TSHZ1: variants seen among roughly 807,000 people sequenced by gnomAD.
The protein encoded by TSHZ1 is teashirt zinc finger homeobox 1, also known as teashirt homolog 1.
A neutral mutation model predicts 67.1 loss-of-function variants in TSHZ1; 12 were observed. The observed-to-expected ratio is 0.18, with a 90% CI of 0.11 to 0.29. TSHZ1 has a LOEUF of 0.29. Ranked by LOEUF, TSHZ1 falls within the 10% of genes least tolerant of loss-of-function variation. The pLI is 1.00. For synonymous variants in TSHZ1, 632 were observed against 622.4 expected (o/e 1.02, Z -0.23); for missense variants, 1,305 against 1,413.9 (o/e 0.92, Z 1.23).
At chr18:75,221,710 C>A (rs186163831) in intron 1 of TSHZ1, among the ~76,000 whole-genome samples, 1 of 152,346 alleles carries the variant, frequency 6.6e-6, no homozygotes, top group African/African-American at 2.4e-5. Flanking sequence ...TCTATAAGAG[C>A]CTGCCCTGCT....
chr18:75,252,694 C>G (rs2023318927), intron 1 of TSHZ1, among the ~76,000 whole-genome samples: 1 of 152,018 alleles, frequency 6.6e-6, no homozygotes, highest in Non-Finnish European at 1.5e-5. Flanking sequence ...AATTGGAATT[C>G]TAAATGCTAA....
chr18:75,229,558 G>C (rs2022970510), intron 1 of TSHZ1, among the ~76,000 whole-genome samples: 1 of 152,204 alleles, frequency 6.6e-6, no homozygotes, highest in South Asian at 2.1e-4. Context: ...ACGGTTCCTG[G>C]CTCATAGTCA....
At chr18:75,215,557 C>A (rs1417542407) in intron 1 of TSHZ1, among the ~76,000 whole-genome samples, 1 of 152,202 alleles carries the variant, frequency 6.6e-6, no homozygotes, top group African/African-American at 2.4e-5. Context: ...TTGTAGCTCT[C>A]AGTTGAACAG....
chr18:75,237,379 G>A (rs934561292), intron 1 of TSHZ1, among the ~76,000 whole-genome samples: 10 of 152,054 alleles, frequency 6.6e-5, no homozygotes, highest in African/African-American at 2.2e-4. Flanking sequence ...AAAATTAGCC[G>A]GATGTGGTGG....
In TSHZ1 at chr18:75,249,295, G is replaced by A. The variant is rs545508749; in HGVS notation, c.41-36153G>A. ...CCCTGGGTGCCTCGCCTGCCCCCAC[G>A]GGGTCCTGGGGAGAGGATCATGCCC... is the stretch of plus-strand genomic sequence containing the variant. On this transcript the variant is annotated intron_variant, in intron 1 of 1. Coordinates refer to ENST00000580243, the MANE Select transcript of TSHZ1 (RefSeq NM_001308210.2). 3.9e-5 allele frequency among the ~76,000 whole-genome samples: 6 copies of A among 152,274 alleles called. No homozygotes were observed. The East Asian group carries it at 9.7e-4, about 25-fold the overall frequency.
chr18:75,286,349 C>G lies in TSHZ1; in HGVS notation c.942C>G (p.His314Gln), dbSNP rs761972015. The change falls in exon 2 of 2, where the codon CAC (histidine) becomes CAG (glutamine). Residue 314 changes from histidine to glutamine, a missense_variant. By Grantham distance (24) the His-to-Gln change is conservative (BLOSUM62 0). Around this residue, in one of 3 missense-constraint regions of TSHZ1, gnomAD observed 38 missense variants for 76.5 expected, o/e 0.50. Transcript: ENST00000580243. The surrounding 1 kb of genome is among the most constrained non-coding windows in gnomAD (Gnocchi z 5.1). ...QKVLKCMYCG[H>Q]SFESLQDLSV... Reference sequence around the variant, plus strand: ...TGCTGAAGTGCATGTACTGTGGACACTCCTTTGAGTCCTTGCAGGACCTCA... The same window carrying G: ...TGCTGAAGTGCATGTACTGTGGACAGTCCTTTGAGTCCTTGCAGGACCTCA... 6.2e-7 allele frequency: 1 copy of G among 1,614,148 alleles called. No individual in the cohort carries two copies. Among genetic ancestry groups the G allele is most frequent in the Non-Finnish European group, 8.5e-7 (1 of 1,180,028 alleles).
Position 75,281,483 on chromosome 18 carries a change from C to T in TSHZ1, c.41-3965C>T, listed in dbSNP as rs906504059. Among the ~76,000 whole-genome samples the T allele has an allele frequency of 6.6e-6, 1 of 152,166 alleles. No homozygotes were observed. Among genetic ancestry groups the T allele is most frequent in the Admixed American group, 6.5e-5 (1 of 15,290 alleles). On this transcript the variant is annotated intron_variant, in intron 1 of 1. Transcript: ENST00000580243. The surrounding 1 kb of genome is among the most constrained non-coding windows in gnomAD (Gnocchi z 5.3). ...TGGCAGAACAGTGGGGCTCCTTCCA[C>T]GGGCCCTACATGGGGCCAGGCCCTG...
chr18:75,231,255 G>C (rs1322509378), intron 1 of TSHZ1, among the ~76,000 whole-genome samples: 1 of 152,208 alleles, frequency 6.6e-6, no homozygotes, highest in Admixed American at 6.5e-5. Flanking sequence ...GTGCTGGCAG[G>C]GGCAGCTCAG....
intron 1 of TSHZ1, among the ~76,000 whole-genome samples, chr18:75,261,569 T>C (rs1382387763): frequency 1.3e-5 from 2 of 152,182 alleles, no homozygotes; most frequent in Admixed American, 1.3e-4. Context: ...CTGCCCAGAT[T>C]GACATGTGCA....
Position 75,285,868 on chromosome 18 carries a change from C to CCGG in TSHZ1, c.463_464insGCG (p.Ser154_Ala155insGly). 1 of 1,589,428 alleles carries CCGG rather than the reference C, an allele frequency of 6.3e-7. No individual in the cohort carries two copies. The highest frequency in any genetic ancestry group is 8.6e-7 in the Non-Finnish European group (1 of 1,167,902). On this transcript the variant is annotated inframe_insertion, in exon 2 of 2. Coordinates refer to ENST00000580243, the MANE Select transcript of TSHZ1 (RefSeq NM_001308210.2). ...AACGATGCCAGCCAGAAGGAGAGCT[C>CCGG]CGCCCCCACCCCCACACCCCCCACC...
At chr18:75,232,514 G>T (rs28652916) in intron 1 of TSHZ1, among the ~76,000 whole-genome samples, 5,582 of 152,224 alleles carry the variant, frequency 0.037, 131 homozygotes, top group African/African-American at 0.069. Flanking sequence ...CATTGAGAGA[G>T]ATATATATAT....
chr18:75,249,390 C>T (rs1232817721), intron 1 of TSHZ1, among the ~76,000 whole-genome samples: 1 of 149,402 alleles, frequency 6.7e-6, no homozygotes, highest in Non-Finnish European at 1.5e-5. Flanking sequence ...CCTACCCCTG[C>T]AGTAGGTGGC....
At chr18:75,224,576 G>A (rs912778173) in intron 1 of TSHZ1, among the ~76,000 whole-genome samples, 4 of 152,174 alleles carry the variant, frequency 2.6e-5, no homozygotes, top group South Asian at 2.1e-4. Context: ...AGATTTTAAT[G>A]TATGATCCCC....
At chr18:75,276,421 C>T (rs2023614358) in intron 1 of TSHZ1, among the ~76,000 whole-genome samples, 1 of 151,956 alleles carries the variant, frequency 6.6e-6, no homozygotes. Context: ...TACCTTCTTT[C>T]CTGATGAGGA....
At chr18:75,230,125 A>T (rs2122532788) in intron 1 of TSHZ1, among the ~76,000 whole-genome samples, 1 of 152,334 alleles carries the variant, frequency 6.6e-6, no homozygotes, top group South Asian at 2.1e-4. Context: ...AGTTTATCAA[A>T]TTCATATGAA....
intron 1 of TSHZ1, among the ~76,000 whole-genome samples, chr18:75,244,050 T>TAATATA (rs1431253458): frequency 6.6e-6 from 1 of 152,120 alleles, no homozygotes; most frequent in Admixed American, 6.5e-5. Flanking sequence ...AGGAAAAAGC[T>TAATATA]TGTTGGAAGG....
intron 1 of TSHZ1, among the ~76,000 whole-genome samples, chr18:75,278,092 C>T (rs1238550023): frequency 6.6e-6 from 1 of 152,114 alleles, no homozygotes; most frequent in African/African-American, 2.4e-5. Context: ...GCAATGGCCA[C>T]GTTAGTGTAA....
In TSHZ1 at chr18:75,286,500, C is replaced by T; in HGVS notation, c.1093C>T (p.Pro365Ser). 1 of 1,614,230 alleles carries T rather than the reference C, an allele frequency of 6.2e-7. No individual in the cohort carries two copies. Among genetic ancestry groups the T allele is most frequent in the Non-Finnish European group, 8.5e-7 (1 of 1,180,052 alleles). ...TCAGGACCTGGCGCCCCCCTGCTCC[C>T]CTGAGCCAGCAGGAATGGCCGCAGA... ...ALQDLAPPCS[P>S]EPAGMAAEVA... Residue 365 changes from proline to serine, a missense_variant, in exon 2 of 2, where the codon CCT becomes TCT. Physicochemically the swap from Pro to Ser is moderately conservative, Grantham distance 74. Around this residue, in one of 3 missense-constraint regions of TSHZ1, gnomAD observed 909 missense variants for 961.8 expected, o/e 0.95. Coordinates refer to ENST00000580243, the MANE Select transcript of TSHZ1 (RefSeq NM_001308210.2). The surrounding 1 kb of genome is among the most constrained non-coding windows in gnomAD (Gnocchi z 5.1).
chr18:75,230,147 A>G (rs1439795158), intron 1 of TSHZ1, among the ~76,000 whole-genome samples: 2 of 152,252 alleles, frequency 1.3e-5, no homozygotes, highest in Non-Finnish European at 2.9e-5. Flanking sequence ...CATGGCATCT[A>G]TAGTGTTGGC....
Sources: gnomAD v4.1 joint callset for allele counts (sites outside exome capture counted in the v4.1 genomes callset) on GRCh38, gnomAD v4.1.1 for gene constraint, gnomAD v4.1.1 regional missense constraint, Gnocchi (gnomAD v3.1) non-coding constraint, MANE v1.5 for transcripts, NCBI Gene and HGNC (gene_info 2026-07-23, HGNC 2026-07-21) for gene names.